Variants in CLEC12A observed in about 807,000 individuals in gnomAD.
CLEC12A encodes the protein C-type lectin domain family 12 member A.
A neutral mutation model predicts 26.5 loss-of-function variants in CLEC12A; 22 were observed. The ratio of observed to expected loss-of-function variants is 0.83; its 90% CI spans 0.59 to 1.19. CLEC12A has a LOEUF of 1.19. Among genes scored for constraint, CLEC12A ranks in the 50% most tolerant of loss-of-function variants. The pLI, the probability that CLEC12A is intolerant of heterozygous loss-of-function variation, is 0.00. For missense variants in CLEC12A, 353 were observed against 315.6 expected (o/e 1.12, Z -0.90); for synonymous variants, 119 against 101.9 (o/e 1.17, Z -1.01).
intron 4 of CLEC12A, chr12:9,993,388 G>C: frequency 2.0e-6 from 1 of 495,736 alleles, no homozygotes; most frequent in Non-Finnish European, 3.1e-6. Context: ...AGAGACTGAG[G>C]AAAATAGGAA....
the CLEC12A span, among the ~76,000 whole-genome samples, chr12:10,004,971 A>T: frequency 6.7e-6 from 1 of 148,244 alleles, no homozygotes; most frequent in African/African-American, 2.5e-5. Context: ...TCTTCTACCC[A>T]GTATTTCCCT....
downstream of CLEC12A, among the ~76,000 whole-genome samples, chr12:9,989,309 A>C (rs1081385): frequency 0.99 from 149,199 of 151,270 alleles, 73,608 homozygotes; most frequent in Middle Eastern, 1. Flanking sequence ...CACATGTATA[A>C]ATATGTAACT....
At position 9,980,641 on chromosome 12, in the gene CLEC12A, C is replaced by A; in HGVS notation, c.439C>A (p.Leu147Ile). The change falls in exon 4 of 6, where the codon CTA becomes ATA. Residue 147 changes from leucine (L) to isoleucine (I), a missense_variant. By Grantham distance (5) the Leu-to-Ile change is conservative. Transcript: ENST00000304361. ...WIWHKDSCYFLSDDVQTWQES... is the reference protein window; with the variant it reads ...WIWHKDSCYFISDDVQTWQES... ...TTGGCATAAGGACAGCTGTTATTTCCTAAGTGATGATGTCCAAACATGGCA... is the reference window on the plus strand; with the variant it reads ...TTGGCATAAGGACAGCTGTTATTTCATAAGTGATGATGTCCAAACATGGCA... 6.2e-7 allele frequency: 1 copy of A among 1,613,798 alleles called. No individual in the cohort carries two copies. The highest frequency in any genetic ancestry group is 8.5e-7 in the Non-Finnish European group (1 of 1,179,824).
intron 1 of CLEC12A, among the ~76,000 whole-genome samples, chr12:9,958,149 G>A (rs549240222): frequency 3.3e-5 from 5 of 152,308 alleles, no homozygotes; most frequent in African/African-American, 1.2e-4. Context: ...GTTCTATTTT[G>A]CAAATCAGTA....
intron 1 of CLEC12A, among the ~76,000 whole-genome samples, chr12:9,953,523 C>A (rs866500685): frequency 4.7e-5 from 7 of 150,186 alleles, no homozygotes; most frequent in African/African-American, 1.5e-4. Flanking sequence ...TCTGCCCGGC[C>A]GCCCCCTACT....
chr12:10,002,722 G>A, the CLEC12A span, among the ~76,000 whole-genome samples: 3,483 of 152,184 alleles, frequency 0.023, 54 homozygotes, highest in Non-Finnish European at 0.036. Context: ...GATTACAGGC[G>A]TGAGCCACCG....
intron 1 of CLEC12A, among the ~76,000 whole-genome samples, chr12:9,956,107 A>G (rs1437439667): frequency 6.6e-6 from 1 of 152,222 alleles, no homozygotes; most frequent in Admixed American, 6.5e-5. Flanking sequence ...AGAAGTATTC[A>G]AAAAGTAACA....
At chr12:9,984,073 GA>G (rs61169344) in intron 5 of CLEC12A, 6,347 of 300,116 alleles carry the variant, frequency 0.021, 78 homozygotes, top group Non-Finnish European at 0.026. Flanking sequence ...AAAGAAAACT[GA>G]AAAAGTATAT....
exon 5 of CLEC12A, chr12:9,995,687 T>C (rs907705218): frequency 1.3e-5 from 3 of 239,104 alleles, no homozygotes; most frequent in Non-Finnish European, 2.5e-5. Context: ...ATCTTACATA[T>C]GGAAGTATTA....
chr12:9,991,951 C>T (rs1864903188), intron 4 of CLEC12A: 1 of 152,094 alleles, frequency 6.6e-6, no homozygotes, highest in South Asian at 2.1e-4. Flanking sequence ...AAACCCAGGT[C>T]TCTGTGTCTC....
rs144898852 is a variant in CLEC12A, at chr12:9,975,390, G to A, written c.92-3576G>A. Among the ~76,000 whole-genome samples the A allele has an allele frequency of 3.2e-3, 481 of 152,294 alleles. 3 individuals are homozygous for A. The highest frequency in any genetic ancestry group is 0.011 in the African/African-American group (452 of 41,542). On this transcript the variant is annotated intron_variant, in intron 1 of 5. Transcript: ENST00000304361. ...TGAGGTGGTCTCAGATGGAGATGAG[G>A]AATTTGTTGGGAACGGGAGCAAAGG...
the CLEC12A span, among the ~76,000 whole-genome samples, chr12:10,002,134 G>A: frequency 1.3e-5 from 2 of 152,032 alleles, no homozygotes; most frequent in South Asian, 2.1e-4. Context: ...ACCCGCCTCG[G>A]CCTCCCAAAG....
intron 1 of CLEC12A, among the ~76,000 whole-genome samples, chr12:9,973,524 A>C (rs2137150588): frequency 6.6e-6 from 1 of 152,264 alleles, no homozygotes; most frequent in East Asian, 1.9e-4. Flanking sequence ...GTTCTGGTTA[A>C]ACCCGAATAT....
intron 1 of CLEC12A, among the ~76,000 whole-genome samples, chr12:9,956,981 T>C (rs936708506): frequency 7.4e-6 from 1 of 135,178 alleles, no homozygotes; most frequent in Non-Finnish European, 1.6e-5. Flanking sequence ...TAAAAACTAA[T>C]TTTTAAAAAA....
chr12:9,997,148 A>AACAATACTT, downstream of CLEC12A: 1 of 1,613,862 alleles, frequency 6.2e-7, no homozygotes. Flanking sequence ...AGGTTAAAAA[A>AACAATACTT]ACAATACTTA....
In CLEC12A at chr12:9,985,544, T is replaced by A; in HGVS notation, c.*518T>A. On this transcript the variant is annotated 3_prime_UTR_variant, in exon 6 of 6. Coordinates refer to ENST00000304361, the MANE Select transcript of CLEC12A (RefSeq NM_138337.6). ...TGGATATGGACATGCATTTATTACC[T>A]CTTAAAATTATTATTTTAAGTAAAA... 2.5e-6 allele frequency: 1 copy of A among 398,590 alleles called. No homozygotes were observed. Among genetic ancestry groups the A allele is most frequent in the East Asian group, 3.6e-5 (1 of 28,070 alleles). The allele number at this position is 398,590 out of a possible 1,614,324, so 24.7% of individuals were successfully genotyped here.
At chr12:9,988,548 G>A (rs1197932681), downstream of CLEC12A, among the ~76,000 whole-genome samples, 1 of 152,160 alleles carries the variant, frequency 6.6e-6, no homozygotes, top group Non-Finnish European at 1.5e-5. Context: ...CAAAAAGTGG[G>A]CAAAGGATAT....
intron 1 of CLEC12A, among the ~76,000 whole-genome samples, chr12:9,957,235 C>T (rs903973919): frequency 6.6e-6 from 1 of 151,986 alleles, no homozygotes; most frequent in African/African-American, 2.4e-5. Context: ...TGCCTGTAAT[C>T]CCAGTAATTT....
intron 1 of CLEC12A, 91 bp from the exon 2 acceptor site, chr12:9,978,875 A>G: frequency 1.1e-6 from 1 of 908,102 alleles, no homozygotes; most frequent in Non-Finnish European, 1.8e-6. Flanking sequence ...TTAGGAAATA[A>G]AGGTAAAATG....
Sources: gnomAD v4.1 joint callset for allele counts (sites outside exome capture counted in the v4.1 genomes callset) on GRCh38, gnomAD v4.1.1 for gene constraint, MANE v1.5 for transcripts, NCBI Gene and HGNC (gene_info 2026-07-23, HGNC 2026-07-21) for gene names.